TEKT5: variants seen among roughly 807,000 people sequenced by gnomAD.
The protein encoded by TEKT5 is tektin-5.
TEKT5 carries 52 observed loss-of-function variants against 48.7 expected under a neutral mutation model. The ratio of observed to expected loss-of-function variants is 1.07; its 90% CI spans 0.86 to 1.35. The LOEUF is 1.35. Among genes scored for constraint, TEKT5 ranks in the 40% most tolerant of loss-of-function variants. The probability of loss-of-function intolerance (pLI) is 0.00; values close to 1 mark genes in which losing one functional copy is unlikely to be tolerated. For missense variants in TEKT5, 831 were observed against 641.6 expected (o/e 1.30, Z -3.19); for synonymous variants, 318 against 267.6 (o/e 1.19, Z -1.84).
At position 10,691,605 on chromosome 16, in the gene TEKT5, C is replaced by T. The variant is rs74250900; in HGVS notation, c.565-1580G>A. ...AGAGGAAGCGAGTCTAGAGCAATAG[C>T]GGGGACAGGGGTTATGGGGAGGGGT... On this transcript the variant is annotated intron_variant, in intron 1 of 6. Transcript: ENST00000283025. Among the ~76,000 whole-genome samples, 180 of 152,084 alleles carry T rather than the reference C, an allele frequency of 1.2e-3. 1 individual carries two copies. The highest frequency in any genetic ancestry group is 4.2e-3 in the African/African-American group (174 of 41,478).
chr16:10,653,650 C>T (rs1046668992), intron 5 of TEKT5, among the ~76,000 whole-genome samples: 1 of 152,178 alleles, frequency 6.6e-6, no homozygotes, highest in Non-Finnish European at 1.5e-5. Context: ...TGGTGGCCTA[C>T]GCTTGTAATC....
At chr16:10,685,289 CCTCT>C (rs1898842604) in intron 3 of TEKT5, among the ~76,000 whole-genome samples, 1 of 152,066 alleles carries the variant, frequency 6.6e-6, no homozygotes, top group Admixed American at 6.5e-5. Context: ...CAAGCATCTC[CCTCT>C]CTCTTTCTCT....
chr16:10,675,680 T>C (rs1898632256), intron 5 of TEKT5, among the ~76,000 whole-genome samples: 1 of 152,066 alleles, frequency 6.6e-6, no homozygotes, highest in South Asian at 2.1e-4. Flanking sequence ...GGGTCTTAGA[T>C]GGAAAATAAG....
At chr16:10,662,267 G>C (rs1183130368) in intron 5 of TEKT5, among the ~76,000 whole-genome samples, 1 of 152,154 alleles carries the variant, frequency 6.6e-6, no homozygotes, top group East Asian at 1.9e-4. Flanking sequence ...GGGGGAAATG[G>C]GGGCAAAATC....
intron 3 of TEKT5, among the ~76,000 whole-genome samples, chr16:10,688,480 G>A (rs574094662): frequency 2.0e-5 from 3 of 152,302 alleles, no homozygotes; most frequent in African/African-American, 4.8e-5. Flanking sequence ...ACCAGGCAGC[G>A]GGAGGGACAG....
chr16:10,677,156 A>G (rs1477884387), intron 4 of TEKT5, among the ~76,000 whole-genome samples: 2 of 152,160 alleles, frequency 1.3e-5, no homozygotes, highest in Non-Finnish European at 2.9e-5. Flanking sequence ...GCACCACTGC[A>G]CTCCAGCCTG....
intron 1 of TEKT5, chr16:10,690,483 G>T: frequency 1.2e-6 from 1 of 813,516 alleles, no homozygotes; most frequent in Non-Finnish European, 1.5e-6. Flanking sequence ...CCTCTCTGCT[G>T]GTTTCCTCCT....
At chr16:10,653,918 C>A (rs1423343295) in intron 5 of TEKT5, among the ~76,000 whole-genome samples, 1 of 148,566 alleles carries the variant, frequency 6.7e-6, no homozygotes, top group Non-Finnish European at 1.5e-5. Flanking sequence ...TGTCTCAAAA[C>A]AAAAACAAAA....
intron 5 of TEKT5, among the ~76,000 whole-genome samples, chr16:10,663,528 T>G (rs760844541): frequency 5.3e-5 from 8 of 152,052 alleles, no homozygotes; most frequent in Admixed American, 2.6e-4. Context: ...GGTGGAAGAT[T>G]TTCAAGTTCA....
At chr16:10,686,669 C>T (rs1477912427) in intron 3 of TEKT5, among the ~76,000 whole-genome samples, 2 of 152,044 alleles carry the variant, frequency 1.3e-5, no homozygotes, top group Non-Finnish European at 1.5e-5. Context: ...AAGAGACAAC[C>T]GCAGAAATGG....
rs1567225368 is a variant in TEKT5 at position 10,640,126 on chromosome 16, C to CCTCCTCCCCT, written c.1087-4209_1087-4208insAGGGGAGGAG. On this transcript the variant is annotated intron_variant, in intron 5 of 6. Transcript: ENST00000283025. ...CCCTCCTCCCGTCTTCCTCCTCCCC[C>CCTCCTCCCCT]CTTCCTCCTCCCCCTTTCTTCCCCT... Among the ~76,000 whole-genome samples, 1,128 of 145,376 alleles carry CCTCCTCCCCT rather than the reference C, an allele frequency of 7.8e-3. 31 individuals are homozygous for CCTCCTCCCCT. The highest frequency in any genetic ancestry group is 0.029 in the African/African-American group (1,069 of 36,640).
intron 5 of TEKT5, among the ~76,000 whole-genome samples, chr16:10,665,244 C>T (rs1038572653): frequency 2.0e-5 from 3 of 152,172 alleles, no homozygotes; most frequent in Non-Finnish European, 4.4e-5. Context: ...TGGGGCATAA[C>T]ATTACCCGGG....
intron 6 of TEKT5, among the ~76,000 whole-genome samples, chr16:10,631,081 T>TAC (rs1452760422): frequency 6.7e-6 from 1 of 149,698 alleles, no homozygotes; most frequent in Non-Finnish European, 1.5e-5. Flanking sequence ...TATATATATA[T>TAC]ATACACACAC....
At chr16:10,647,213 T>A (rs1422715760) in intron 5 of TEKT5, among the ~76,000 whole-genome samples, 1 of 151,936 alleles carries the variant, frequency 6.6e-6, no homozygotes, top group Non-Finnish European at 1.5e-5. Flanking sequence ...CTGACAACTG[T>A]GGTCCCAGCA....
chr16:10,689,114 T>A (rs1898917845), intron 3 of TEKT5, 139 bp downstream of exon 3: 1 of 604,580 alleles, frequency 1.7e-6, no homozygotes, highest in Non-Finnish European at 2.8e-6. Flanking sequence ...GAAGGCTGGT[T>A]GTTGAACATT....
In TEKT5 at chr16:10,681,969, G is replaced by A. The variant is rs147251977; in HGVS notation, c.863+24C>T. On this transcript the variant is annotated intron_variant, in intron 4 of 6. Coordinates refer to ENST00000283025, the MANE Select transcript of TEKT5 (RefSeq NM_144674.2). ...CACTCCAGTTGGACACGCCAGGGATGGGGAGGGGGAGTCTGATACTTACGT... is the reference window on the plus strand; with the variant it reads ...CACTCCAGTTGGACACGCCAGGGATAGGGAGGGGGAGTCTGATACTTACGT... 4,779 of 1,611,496 alleles carry A rather than the reference G, an allele frequency of 3.0e-3. 14 individuals carry two copies. The highest frequency in any genetic ancestry group is 3.6e-3 in the Non-Finnish European group (4,199 of 1,178,194).
chr16:10,653,366 T>G (rs544002305), intron 5 of TEKT5, among the ~76,000 whole-genome samples: 1 of 152,230 alleles, frequency 6.6e-6, no homozygotes, highest in African/African-American at 2.4e-5. Flanking sequence ...CCAGTGGAGA[T>G]GAGGCAAGAC....
At chr16:10,681,935 A>T (rs1020480488) in intron 4 of TEKT5, 58 bp downstream of exon 4, 43 of 1,586,522 alleles carry the variant, frequency 2.7e-5, no homozygotes, top group Non-Finnish European at 3.4e-5. Flanking sequence ...TGGCAGGAGC[A>T]GAAGCCCTCA....
intron 5 of TEKT5, among the ~76,000 whole-genome samples, chr16:10,665,316 G>A (rs988295434): frequency 1.3e-5 from 2 of 152,208 alleles, no homozygotes; most frequent in Admixed American, 6.5e-5. Flanking sequence ...CATCTCACCA[G>A]GAACCAATCC....
Sources: gnomAD v4.1 joint callset for allele counts (sites outside exome capture counted in the v4.1 genomes callset) on GRCh38, gnomAD v4.1.1 for gene constraint, MANE v1.5 for transcripts, NCBI Gene and HGNC (gene_info 2026-07-23, HGNC 2026-07-21) for gene names.